Variants in LOXHD1 observed in about 807,000 individuals in gnomAD.
LOXHD1 encodes the protein lipoxygenase homology domain-containing protein 1.
A neutral mutation model predicts 248.2 loss-of-function variants in LOXHD1; 205 were observed. The ratio of observed to expected loss-of-function variants is 0.83; its 90% confidence interval spans 0.74 to 0.93. The LOEUF is 0.93. LOXHD1 is among the 40% of genes least tolerant of loss of function. LOXHD1 has a pLI of 0.00. For missense variants in LOXHD1, 2,930 were observed against 2,971.6 expected, an observed-to-expected ratio of 0.99 and a Z score of 0.33; for synonymous variants, 1,113 against 1,162.8, an observed-to-expected ratio of 0.96 and a Z score of 0.87.
intron 1 of LOXHD1, among the ~76,000 whole-genome samples, chr18:46,651,911 G>C (rs965094720): frequency 2.6e-5 from 4 of 152,180 alleles, no homozygotes; most frequent in Non-Finnish European, 4.4e-5. Context: ...AAATGAAAGT[G>C]TGTTCCCACA....
intron 21 of LOXHD1, among the ~76,000 whole-genome samples, chr18:46,552,187 A>G (rs1157467510): frequency 1.3e-5 from 2 of 152,230 alleles, no homozygotes; most frequent in Non-Finnish European, 2.9e-5. Context: ...GGTTAAGGTA[A>G]TAAATTGTAT....
intron 24 of LOXHD1, 144 bp from the exon 25 acceptor site, chr18:46,542,084 A>G: frequency 2.7e-6 from 2 of 751,990 alleles, no homozygotes; most frequent in Non-Finnish European, 4.2e-6. Context: ...CAGCATTGCT[A>G]AAGTGACTCC....
chr18:46,608,594 C>T (rs1411389591), intron 6 of LOXHD1, among the ~76,000 whole-genome samples: 2 of 152,190 alleles, frequency 1.3e-5, no homozygotes. Flanking sequence ...CCTCTCCCCG[C>T]TTTGCCCAGC....
Position 46,596,150 on chromosome 18 carries a change from T to C in LOXHD1, c.1135-1684A>G, listed in dbSNP as rs1218504794. Among the ~76,000 whole-genome samples, 5 of 149,590 alleles carry C rather than the reference T, an allele frequency of 3.3e-5. No homozygotes were observed. The East Asian group carries it at 7.7e-4, about 23-fold the overall frequency. On this transcript the variant is annotated intron_variant, in intron 8 of 40. Coordinates refer to ENST00000642948, the MANE Select transcript of LOXHD1 (RefSeq NM_001384474.1). ...ATCATATTCTGTTATTTAAAAACTATTTTGTCATTATCTTTAAAAATAATT... is the reference window on the plus strand; with the variant it reads ...ATCATATTCTGTTATTTAAAAACTACTTTGTCATTATCTTTAAAAATAATT...
At chr18:46,503,108 T>C (rs578045637) in intron 37 of LOXHD1, among the ~76,000 whole-genome samples, 6 of 152,182 alleles carry the variant, frequency 3.9e-5, no homozygotes, top group Non-Finnish European at 8.8e-5. Flanking sequence ...TAAAGATGAA[T>C]AAGGCATGAT....
intron 21 of LOXHD1, among the ~76,000 whole-genome samples, chr18:46,548,458 G>A (rs1461619574): frequency 6.6e-6 from 1 of 152,160 alleles, no homozygotes; most frequent in African/African-American, 2.4e-5. Context: ...GTGCTGAGGG[G>A]GGCAACGTTA....
intron 19 of LOXHD1, 127 bp downstream of exon 19, chr18:46,559,956 C>G (rs865900145): frequency 1.0e-5 from 10 of 993,074 alleles, no homozygotes; most frequent in Non-Finnish European, 1.5e-5. Flanking sequence ...ATTTGGGAAC[C>G]ATGATGGGTG....
intron 3 of LOXHD1, among the ~76,000 whole-genome samples, chr18:46,641,056 G>T (rs962548822): frequency 6.6e-6 from 1 of 152,092 alleles, no homozygotes; most frequent in African/African-American, 2.4e-5. Flanking sequence ...GCTAGAGGTC[G>T]CCTTTACTCA....
intron 13 of LOXHD1, 61 bp from the exon 14 acceptor site, chr18:46,577,928 G>A: frequency 1.3e-6 from 2 of 1,525,596 alleles, no homozygotes; most frequent in Non-Finnish European, 1.8e-6. Context: ...CAAACACCAA[G>A]GGAAGACATA....
At chr18:46,653,071 A>T (rs1046897804) in intron 1 of LOXHD1, among the ~76,000 whole-genome samples, 8 of 152,056 alleles carry the variant, frequency 5.3e-5, no homozygotes, top group Non-Finnish European at 2.9e-5. Flanking sequence ...ACGTGGTGAA[A>T]CCCCGTCTCT....
In LOXHD1 at chr18:46,559,268, T is replaced by G. The variant is rs1181816944; in HGVS notation, c.3216+180A>C. On this transcript the variant is annotated intron_variant, in intron 20 of 40. Transcript: ENST00000642948. Reference sequence around the variant, plus strand: ...GGTGCTGGGGCCCTGCCTGCAATTCTCTCATAACCCCTCCACAAAGTATCA... The same window carrying G: ...GGTGCTGGGGCCCTGCCTGCAATTCGCTCATAACCCCTCCACAAAGTATCA... The G allele has an allele frequency of 3.3e-6, 5 of 1,529,820 alleles. No individual in the cohort carries two copies. In the East Asian group the frequency reaches 1.2e-4, roughly 38 times the overall value. The allele number at this position is 1,529,820 out of a possible 1,614,324, so 94.8% of individuals were successfully genotyped here.
rs149978018 is a variant in LOXHD1, at chr18:46,486,215, T to C, written c.6050-1064A>G. 2.4e-4 allele frequency among the ~76,000 whole-genome samples: 37 copies of C among 152,188 alleles called. No homozygotes were observed. The East Asian group carries it at 5.6e-3, about 23-fold the overall frequency. ...TGTCTGGCTCAAGTGTCCCCAGACA[T>C]AGACCCCTTGCTGCAGTACCTGGAT... On this transcript the variant is annotated intron_variant, in intron 38 of 40. Coordinates refer to ENST00000642948, the MANE Select transcript of LOXHD1 (RefSeq NM_001384474.1).
intron 6 of LOXHD1, among the ~76,000 whole-genome samples, chr18:46,605,835 C>T (rs78452415): frequency 6.6e-6 from 1 of 152,156 alleles, no homozygotes; most frequent in African/African-American, 2.4e-5. Flanking sequence ...GTTTCAGGGG[C>T]ACCTTGACTA....
Position 46,643,467 on chromosome 18 carries a change from C to G in LOXHD1, c.246-1431G>C, listed in dbSNP as rs78141399. On this transcript the variant is annotated intron_variant, in intron 2 of 40. Transcript: ENST00000642948. ...TTTCTCCACGAAGCACCAGTAAATC[C>G]TCCTGCCCAGGAAAATAACTTACCA... Among the ~76,000 whole-genome samples, 1,191 of 152,310 alleles carry G rather than the reference C, an allele frequency of 7.8e-3. 5 individuals are homozygous for G. Among genetic ancestry groups the G allele is most frequent in the Non-Finnish European group, 0.014 (944 of 68,022 alleles).
intron 21 of LOXHD1, among the ~76,000 whole-genome samples, chr18:46,547,577 C>T (rs1018142416): frequency 6.6e-6 from 1 of 152,022 alleles, no homozygotes; most frequent in South Asian, 2.1e-4. Flanking sequence ...AAAGGGAGGT[C>T]CAAGTCAGAC....
chr18:46,590,658 T>G (rs1412502757), intron 12 of LOXHD1, among the ~76,000 whole-genome samples: 2 of 152,194 alleles, frequency 1.3e-5, no homozygotes, highest in Non-Finnish European at 2.9e-5. Flanking sequence ...GTTATCATAT[T>G]TAGATAGATG....
intron 26 of LOXHD1, among the ~76,000 whole-genome samples, chr18:46,535,988 T>C (rs2036293404): frequency 6.6e-6 from 1 of 152,162 alleles, no homozygotes; most frequent in African/African-American, 2.4e-5. Flanking sequence ...ACCCTAGTAT[T>C]CTGGAAGGTG....
intron 5 of LOXHD1, among the ~76,000 whole-genome samples, chr18:46,615,373 C>T (rs12605985): frequency 0.17 from 26,146 of 152,204 alleles, 2,665 homozygotes; most frequent in East Asian, 0.43. Context: ...TGCATAGTTG[C>T]TATTGCTACT....
intron 21 of LOXHD1, among the ~76,000 whole-genome samples, chr18:46,551,202 A>G (rs367909775): frequency 1.7e-3 from 256 of 151,146 alleles, no homozygotes; most frequent in African/African-American, 5.9e-3. Context: ...TCCTGGGTTG[A>G]CGCCATTCTC....
Sources: allele counts gnomAD v4.1 joint callset (sites outside exome capture counted in the v4.1 genomes callset), GRCh38; gene constraint gnomAD v4.1.1; transcripts MANE v1.5; gene names NCBI Gene and HGNC (gene_info 2026-07-23, HGNC 2026-07-21).